Variants in CD163 observed in about 807,000 individuals in gnomAD.
The protein encoded by CD163 is scavenger receptor cysteine-rich type 1 protein M130.
In CD163, 64 loss-of-function variants were observed where a neutral mutation model predicts 129.2. The ratio of observed to expected loss-of-function variants is 0.50; its 90% CI spans 0.41 to 0.61. The LOEUF (loss-of-function observed/expected upper bound fraction) is 0.61, where lower values mean the gene tolerates loss of function less well. Ranked by LOEUF, CD163 falls within the 20% of genes least tolerant of loss-of-function variation. CD163 has a pLI of 0.00. For synonymous variants in CD163, 446 were observed against 478.5 expected (o/e 0.93, Z 0.89); for missense variants, 1,061 against 1,377.9 (o/e 0.77, Z 3.64).
rs1478247518 is a variant in CD163, at chr12:7,496,121, T to C, written c.1099+692A>G. On this transcript the variant is annotated intron_variant, in intron 5 of 16. Coordinates refer to ENST00000432237, the MANE Select transcript of CD163 (RefSeq NM_203416.4). The surrounding 1 kb of genome is among the most constrained non-coding windows in gnomAD (Gnocchi z 4.8). ...CTGGATAAAGAAAATGTGGTACATA[T>C]ACACCATGGAATACTACGCAGCCAT... 6.6e-6 allele frequency among the ~76,000 whole-genome samples: 1 copy of C among 152,132 alleles called. No individual in the cohort carries two copies. Among genetic ancestry groups the C allele is most frequent in the Non-Finnish European group, 1.5e-5 (1 of 68,030 alleles).
At position 7,485,246 on chromosome 12, in the gene CD163, G is replaced by T. The variant is rs752449018; in HGVS notation, c.2629C>A (p.Pro877Thr). 6.2e-7 allele frequency: 1 copy of T among 1,614,138 alleles called. No homozygotes were observed. The highest frequency in any genetic ancestry group is 8.5e-7 in the Non-Finnish European group (1 of 1,180,008). Residue 877 changes from proline to threonine, a missense_variant, in exon 11 of 17, where the codon CCT becomes ACT. Physicochemically the swap from Pro to Thr is conservative, Grantham distance 38. Coordinates refer to ENST00000432237, the MANE Select transcript of CD163 (RefSeq NM_203416.4). The surrounding 1 kb of genome is among the most constrained non-coding windows in gnomAD (Gnocchi z 4.5). Reference sequence around the variant, plus strand: ...GACATGGCCTTGTCTAAAGATGCAGGGTTGATTTTCCCTTTGTCTGCACAG... The same window carrying T: ...GACATGGCCTTGTCTAAAGATGCAGTGTTGATTTTCCCTTTGTCTGCACAG... ...LGCADKGKIN[P>T]ASLDKAMSIP...
rs763355747 is a variant in CD163, at chr12:7,487,449, C to A, written c.1960G>T (p.Gly654Trp). 3 of 1,614,086 alleles carry A rather than the reference C, an allele frequency of 1.9e-6. No homozygotes were observed. The highest frequency in any genetic ancestry group is 1.1e-5 in the South Asian group (1 of 91,074). Residue 654 changes from glycine to tryptophan, a missense_variant, in exon 8 of 17, where the codon GGG (glycine) becomes TGG (tryptophan). Gly to Trp is a radical substitution (Grantham distance 184). Transcript: ENST00000432237. The surrounding 1 kb of genome is among the most constrained non-coding windows in gnomAD (Gnocchi z 5.1). ...CAATCTCCCATGTGCTGCTCAGTCCCAGTGCAGTGAAACATATGCCTCCAG... is the reference window on the plus strand; with the variant it reads ...CAATCTCCCATGTGCTGCTCAGTCCAAGTGCAGTGAAACATATGCCTCCAG... ...QIWRHMFHCT[G>W]TEQHMGDCPV...
At chr12:7,474,715 A>G (rs145920606) in intron 16 of CD163, among the ~76,000 whole-genome samples, 11,082 of 152,248 alleles carry the variant, frequency 0.073, 443 homozygotes, top group South Asian at 0.14. Context: ...AAGACAAGAA[A>G]TAACTAAGAT....
intron 15 of CD163, chr12:7,480,211 C>G (rs1447797179): frequency 2.4e-6 from 1 of 409,228 alleles, no homozygotes; most frequent in African/African-American, 2.1e-5. Context: ...GTAGCAGATG[C>G]ATAATTCTTT....
intron 15 of CD163, chr12:7,480,775 T>A: frequency 1.6e-6 from 1 of 643,468 alleles, no homozygotes; most frequent in Non-Finnish European, 1.9e-6. Context: ...ACTATCTATA[T>A]ACATCCCATA....
chr12:7,487,131 C>T lies in CD163; in HGVS notation c.2051-145G>A, dbSNP rs2136709073. The stretch of plus-strand genomic sequence containing the variant: ...CAACAAGTTTGAAATAAATCAGGTG[C>T]TTTGAGATGGGCTTGGCACATAGTA... On this transcript the variant is annotated intron_variant, in intron 8 of 16. Coordinates refer to ENST00000432237, the MANE Select transcript of CD163 (RefSeq NM_203416.4). The surrounding 1 kb of genome is among the most constrained non-coding windows in gnomAD (Gnocchi z 5.1). The T allele has an allele frequency of 1.2e-6, 1 of 814,440 alleles. No homozygotes were observed. The highest frequency in any genetic ancestry group is 1.9e-5 in the South Asian group (1 of 53,674). The allele number at this position is 814,440 out of a possible 1,614,324, so 50.5% of individuals were successfully genotyped here.
At chr12:7,476,527 T>C (rs1412272407) in intron 16 of CD163, among the ~76,000 whole-genome samples, 1 of 152,130 alleles carries the variant, frequency 6.6e-6, no homozygotes, top group African/African-American at 2.4e-5. Context: ...GAAAATTGGC[T>C]AACCATATGC....
intron 11 of CD163, 166 bp from the exon 12 acceptor site, chr12:7,483,841 A>ATATATATATATATTT (rs1442991429): frequency 3.6e-5 from 4 of 109,990 alleles, no homozygotes; most frequent in East Asian, 5.7e-4. Context: ...ATATATATAT[A>ATATATATATATATTT]TTTTTTTTTT....
In CD163 at chr12:7,485,095, C is replaced by A; in HGVS notation, c.2779+1G>T. 1 of 1,592,774 alleles carries A rather than the reference C, an allele frequency of 6.3e-7. No individual in the cohort carries two copies. The highest frequency in any genetic ancestry group is 8.6e-7 in the Non-Finnish European group (1 of 1,167,578). ...TTTCATATAGGTCGATGGATACTCA[C>A]TGTCACATGTGATCCAGGTCTCCTC... On this transcript the variant is annotated splice_donor_variant, in intron 11 of 16. Transcript: ENST00000432237. LOFTEE classifies it high-confidence loss of function. The surrounding 1 kb of genome is among the most constrained non-coding windows in gnomAD (Gnocchi z 4.5).
At chr12:7,488,136 T>A in intron 6 of CD163, 49 bp from the exon 7 acceptor site, 2 of 1,509,214 alleles carry the variant, frequency 1.3e-6, no homozygotes, top group Non-Finnish European at 1.8e-6. Context: ...TTTCCAGATT[T>A]CCATTCATGA....
intron 16 of CD163, among the ~76,000 whole-genome samples, chr12:7,475,439 T>C (rs1591990640): frequency 6.6e-6 from 1 of 152,040 alleles, no homozygotes; most frequent in Admixed American, 6.6e-5. Flanking sequence ...TCAACATATG[T>C]AAATCAATAA....
intron 4 of CD163, among the ~76,000 whole-genome samples, chr12:7,497,635 T>C (rs190206418): frequency 1.3e-4 from 20 of 152,314 alleles, no homozygotes; most frequent in African/African-American, 4.6e-4. Context: ...GCTTCAGTAC[T>C]ACAATTTTCA....
chr12:7,485,239 G>C lies in CD163; in HGVS notation c.2636C>G (p.Ser879Cys). 1 of 1,614,188 alleles carries C rather than the reference G, an allele frequency of 6.2e-7. No homozygotes were observed. The highest frequency in any genetic ancestry group is 8.5e-7 in the Non-Finnish European group (1 of 1,180,022). The change falls in exon 11 of 17, where the codon TCT becomes TGT. Residue 879 changes from serine (S) to cysteine (C), a missense_variant. Transcript: ENST00000432237. The surrounding 1 kb of genome is among the most constrained non-coding windows in gnomAD (Gnocchi z 4.5). Reference sequence around the variant, plus strand: ...GGGAATGGACATGGCCTTGTCTAAAGATGCAGGGTTGATTTTCCCTTTGTC... The same window carrying C: ...GGGAATGGACATGGCCTTGTCTAAACATGCAGGGTTGATTTTCCCTTTGTC... ...CADKGKINPA[S>C]LDKAMSIPMW...
Position 7,503,749 on chromosome 12 carries a change from T to C in CD163, c.-59A>G. ...CTTCTTGTATTATTCCCTAGAAATGTTCTTCTAAAGAAAACAACTAAGAAT... is the reference window on the plus strand; with the variant it reads ...CTTCTTGTATTATTCCCTAGAAATGCTCTTCTAAAGAAAACAACTAAGAAT... On this transcript the variant is annotated 5_prime_UTR_variant, in exon 1 of 17. Coordinates refer to ENST00000432237, the MANE Select transcript of CD163 (RefSeq NM_203416.4). The C allele has an allele frequency of 9.2e-7, 1 of 1,086,838 alleles. No homozygotes were observed. Among genetic ancestry groups the C allele is most frequent in the South Asian group, 1.4e-5 (1 of 71,624 alleles). 67.3% of individuals were successfully genotyped at this position (1,086,838 alleles called of 1,614,324 possible). A position where few individuals can be genotyped will look rare whatever the true frequency, so the allele number is the denominator to read the frequency against.
In CD163 at chr12:7,485,244, AG is replaced by A. The variant is rs1361898763; in HGVS notation, c.2630del (p.Pro877LeufsTer4). 6 of 1,614,088 alleles carry A rather than the reference AG, an allele frequency of 3.7e-6. No homozygotes were observed. The highest frequency in any genetic ancestry group is 1.3e-5 in the African/African-American group (1 of 74,920). ...LGCADKGKIN[P>X]ASLDKAMSIP... is the part of the protein sequence containing the mutation. The stretch of plus-strand genomic sequence containing the variant: ...TGGACATGGCCTTGTCTAAAGATGC[AG>A]GGTTGATTTTCCCTTTGTCTGCACA... On this transcript the variant is annotated frameshift_variant, in exon 11 of 17. Coordinates refer to ENST00000432237, the MANE Select transcript of CD163 (RefSeq NM_203416.4). LOFTEE classifies it high-confidence loss of function. The surrounding 1 kb of genome is among the most constrained non-coding windows in gnomAD (Gnocchi z 4.5).
chr12:7,490,098 T>C (rs2136715675), intron 6 of CD163, among the ~76,000 whole-genome samples: 1 of 152,112 alleles, frequency 6.6e-6, no homozygotes, highest in African/African-American at 2.4e-5. Flanking sequence ...ATTTTAATAG[T>C]GATGAACCCA....
At chr12:7,482,885 C>T (rs748174522) in intron 13 of CD163, 81 bp downstream of exon 13, 222 of 1,583,092 alleles carry the variant, frequency 1.4e-4, no homozygotes, top group Non-Finnish European at 1.6e-4. Flanking sequence ...ATCCTCAGAA[C>T]GTCTGACCTA....
Position 7,501,199 on chromosome 12 carries a change from C to T in CD163, c.397G>A (p.Asp133Asn), listed in dbSNP as rs751876611. 8 of 1,614,198 alleles carry T rather than the reference C, an allele frequency of 5.0e-6. No individual in the cohort carries two copies. In the South Asian group the frequency reaches 8.8e-5, roughly 18 times the overall value. The change falls in exon 3 of 17, where the codon GAT (aspartate) becomes AAT (asparagine). Residue 133 changes from aspartate (D) to asparagine (N), a missense_variant. Coordinates refer to ENST00000432237, the MANE Select transcript of CD163 (RefSeq NM_203416.4). ...NESALWDCKH[D>N]GWGKHSNCTH... ...CAGTTACTATGCTTTCCCCATCCAT[C>T]ATGTTTGCAATCCCAAAGAGCTGAC...
intron 4 of CD163, among the ~76,000 whole-genome samples, chr12:7,497,900 T>G (rs7358610): frequency 0.016 from 2,418 of 152,282 alleles, 58 homozygotes; most frequent in African/African-American, 0.055. Context: ...AAATCTATCT[T>G]TCTTGTAGGA....
Sources: allele counts gnomAD v4.1 joint callset (sites outside exome capture counted in the v4.1 genomes callset), GRCh38; gene constraint gnomAD v4.1.1; non-coding constraint Gnocchi (gnomAD v3.1); transcripts MANE v1.5; gene names NCBI Gene and HGNC (gene_info 2026-07-23, HGNC 2026-07-21).